Variants in MYH10 observed in about 807,000 individuals in gnomAD.
The protein encoded by MYH10 is myosin heavy chain 10.
A neutral mutation model predicts 257.8 loss-of-function variants in MYH10; 55 were observed. That is an observed-to-expected ratio of 0.21 (90% CI 0.17 to 0.27). MYH10 has a LOEUF of 0.27. Among genes scored for constraint, MYH10 ranks in the 10% least tolerant of loss-of-function variants. The pLI, the probability that MYH10 is intolerant of heterozygous loss-of-function variation, is 1.00. For synonymous variants in MYH10, 854 were observed against 921.7 expected (o/e 0.93, Z 1.33); for missense variants, 1,631 against 2,500.6 (o/e 0.65, Z 7.42).
chr17:8,498,413 A>G (rs1916999262), intron 30 of MYH10, among the ~76,000 whole-genome samples: 1 of 152,190 alleles, frequency 6.6e-6, no homozygotes, highest in Non-Finnish European at 1.5e-5. Flanking sequence ...CACTTCTGCA[A>G]TGAACATTCT....
intron 7 of MYH10, among the ~76,000 whole-genome samples, chr17:8,555,463 A>G (rs1351459733): frequency 6.6e-6 from 1 of 152,248 alleles, no homozygotes; most frequent in Non-Finnish European, 1.5e-5. Context: ...AACAGAAGAC[A>G]GTCCAGGAAT....
chr17:8,489,745 A>ACACACACACACACACC (rs1258993754), intron 35 of MYH10, among the ~76,000 whole-genome samples: 53 of 150,788 alleles, frequency 3.5e-4, no homozygotes, highest in South Asian at 6.3e-4. Context: ...ACACACACAC[A>ACACACACACACACACC]CCCCAAATCC....
At position 8,518,606 on chromosome 17, in the gene MYH10, G is replaced by A. The variant is rs371135456; in HGVS notation, c.2504+25C>T. 459 of 1,603,108 alleles carry A rather than the reference G, an allele frequency of 2.9e-4. No individual in the cohort carries two copies. In the Middle Eastern group the frequency reaches 4.8e-3, roughly 17 times the overall value. On this transcript the variant is annotated intron_variant, in intron 21 of 42. Transcript: ENST00000360416. ...TAGCACAAGCACTTCCTCAGTGAAC[G>A]ATTAATTCGTGAATACCCACTCACT... is the stretch of plus-strand genomic sequence containing the variant.
At chr17:8,550,145 G>T (rs4791730) in intron 9 of MYH10, among the ~76,000 whole-genome samples, 4 of 145,098 alleles carry the variant, frequency 2.8e-5, no homozygotes, top group African/African-American at 1.0e-4. Context: ...CTGCCTGGCC[G>T]CCCATCATCT....
At position 8,565,891 on chromosome 17, in the gene MYH10, T is replaced by C. The variant is rs991568093; in HGVS notation, c.756+3829A>G. Among the ~76,000 whole-genome samples, 6 of 152,228 alleles carry C rather than the reference T, an allele frequency of 3.9e-5. No individual in the cohort carries two copies. The South Asian group carries it at 6.2e-4, about 16-fold the overall frequency. ...GGATGTATACATAACAAGCATTAAA[T>C]AGACTCATGTATTACTTTGCAAATA... On this transcript the variant is annotated intron_variant, in intron 7 of 42. Coordinates refer to ENST00000360416, the MANE Select transcript of MYH10 (RefSeq NM_001256012.3).
At chr17:8,513,467 G>T in intron 23 of MYH10, 71 bp downstream of exon 23, 1 of 1,582,418 alleles carries the variant, frequency 6.3e-7, no homozygotes, top group South Asian at 1.2e-5. Context: ...GAAATGTGTC[G>T]GGGTTGCTAC....
intron 6 of MYH10, among the ~76,000 whole-genome samples, chr17:8,574,541 AAATTG>A (rs2083443363): frequency 1.2e-3 from 1 of 812 alleles, no homozygotes; most frequent in Non-Finnish European, 0.014. Flanking sequence ...TATCTCATTT[AAATTG>A]TTTCAAAAAA....
intron 7 of MYH10, among the ~76,000 whole-genome samples, chr17:8,556,720 A>G (rs369683079): frequency 6.6e-6 from 1 of 152,204 alleles, no homozygotes; most frequent in Non-Finnish European, 1.5e-5. Flanking sequence ...ACATTTATCT[A>G]AACGCACTGA....
At chr17:8,512,399 G>T in intron 24 of MYH10, 52 bp downstream of exon 24, 1 of 1,414,928 alleles carries the variant, frequency 7.1e-7, no homozygotes, top group Non-Finnish European at 9.8e-7. Context: ...TTATTCAACA[G>T]ATCCACTTGA....
intron 40 of MYH10, 84 bp from the exon 41 acceptor site, chr17:8,478,530 T>G: frequency 7.7e-7 from 1 of 1,303,986 alleles, no homozygotes; most frequent in South Asian, 1.2e-5. Flanking sequence ...CCCTTTTCTT[T>G]GGGAAGATGA....
intron 2 of MYH10, among the ~76,000 whole-genome samples, chr17:8,617,889 A>G (rs956509588): frequency 2.5e-4 from 38 of 152,240 alleles, no homozygotes; most frequent in Non-Finnish European, 1.9e-4. Flanking sequence ...CATATAAAAT[A>G]TAAAGTTTTA....
chr17:8,497,974 C>A (rs1349686798), intron 30 of MYH10, among the ~76,000 whole-genome samples: 1 of 125,578 alleles, frequency 8.0e-6, no homozygotes, highest in Non-Finnish European at 1.6e-5. Context: ...TATGCAAATA[C>A]TATGCCTTTT....
At chr17:8,608,126 A>G (rs1001501531) in intron 2 of MYH10, among the ~76,000 whole-genome samples, 1 of 152,208 alleles carries the variant, frequency 6.6e-6, no homozygotes, top group Non-Finnish European at 1.5e-5. Flanking sequence ...ACAAGGGCCT[A>G]AAAAAACAAA....
intron 6 of MYH10, among the ~76,000 whole-genome samples, chr17:8,573,657 C>T (rs749153206): frequency 1.2e-4 from 19 of 152,270 alleles, no homozygotes; most frequent in Non-Finnish European, 1.9e-4. Context: ...AGAAGCTGTA[C>T]TTGCAGTCGG....
intron 2 of MYH10, among the ~76,000 whole-genome samples, chr17:8,608,810 ATTT>A (rs531809094): frequency 2.1e-5 from 3 of 140,778 alleles, no homozygotes; most frequent in African/African-American, 2.6e-5. Flanking sequence ...TGATTGGGAA[ATTT>A]TTTTTTTTTT....
Position 8,483,136 on chromosome 17 carries a change from A to G in MYH10, c.5175+1002T>C, listed in dbSNP as rs1276404256. 5.3e-5 allele frequency among the ~76,000 whole-genome samples: 8 copies of G among 152,360 alleles called. No individual in the cohort carries two copies. In the East Asian group the frequency reaches 1.2e-3, roughly 22 times the overall value. Reference sequence around the variant, plus strand: ...TTATTCACAGGATGAAGAAGAAACCATAATAGAAATTAGAAAAATTTAGAA... The same window carrying G: ...TTATTCACAGGATGAAGAAGAAACCGTAATAGAAATTAGAAAAATTTAGAA... On this transcript the variant is annotated intron_variant, in intron 37 of 42. Coordinates refer to ENST00000360416, the MANE Select transcript of MYH10 (RefSeq NM_001256012.3).
chr17:8,600,173 T>C (rs2084537447), intron 3 of MYH10, among the ~76,000 whole-genome samples: 1 of 152,132 alleles, frequency 6.6e-6, no homozygotes, highest in South Asian at 2.1e-4. Flanking sequence ...AAGAGACAAA[T>C]ATCTTGATTC....
In MYH10 at chr17:8,545,737, T is replaced by G. The variant is rs1567877540; in HGVS notation, c.1279-137A>C. The stretch of plus-strand genomic sequence containing the variant: ...TCACTGCTTAATCATGTCTCAATTT[T>G]ACACATCAATAGAAGGCAATATTAG... On this transcript the variant is annotated intron_variant, in intron 12 of 42. Coordinates refer to ENST00000360416, the MANE Select transcript of MYH10 (RefSeq NM_001256012.3). This position sits in a 1 kb window ranked among gnomAD's most constrained non-coding sequence, Gnocchi z 4.7. 1.3e-6 allele frequency: 1 copy of G among 782,520 alleles called. No homozygotes were observed. Among genetic ancestry groups the G allele is most frequent in the Non-Finnish European group, 2.0e-6 (1 of 502,880 alleles). The allele number at this position is 782,520 out of a possible 1,614,324, so 48.5% of individuals were successfully genotyped here.
intron 4 of MYH10, among the ~76,000 whole-genome samples, chr17:8,580,190 T>C (rs764788654): frequency 1.3e-5 from 2 of 152,092 alleles, no homozygotes; most frequent in Non-Finnish European, 2.9e-5. Flanking sequence ...GCCAGCACCA[T>C]ATTCAGTCGT....
Sources: allele counts gnomAD v4.1 joint callset (sites outside exome capture counted in the v4.1 genomes callset), GRCh38; gene constraint gnomAD v4.1.1; non-coding constraint Gnocchi (gnomAD v3.1); transcripts MANE v1.5; gene names NCBI Gene and HGNC (gene_info 2026-07-23, HGNC 2026-07-21).